The following FCMR variants were observed in gnomAD, a reference collection of about 807,000 sequenced individuals.
The protein encoded by FCMR is immunoglobulin mu Fc receptor.
FCMR carries 34 observed loss-of-function variants against 41.6 expected under a neutral mutation model. That is an observed-to-expected ratio of 0.82 (90% CI 0.62 to 1.09). The LOEUF (loss-of-function observed/expected upper bound fraction) is 1.09, where lower values mean the gene tolerates loss of function less well. Among genes scored for constraint, FCMR ranks in the 50% least tolerant of loss-of-function variants. FCMR has a pLI of 0.00. For missense variants in FCMR, 496 were observed against 512.5 expected, an observed-to-expected ratio of 0.97 and a Z score of 0.31; for synonymous variants, 209 against 211.8, an observed-to-expected ratio of 0.99 and a Z score of 0.12.
chr1:206,921,349 C>A, intron 1 of FCMR: 1 of 435,968 alleles, frequency 2.3e-6, no homozygotes, highest in Non-Finnish European at 4.6e-6. Context: ...ACCTGTAATC[C>A]CAGCGCTTTG....
At chr1:206,910,012 G>A (rs963656465) in intron 5 of FCMR, 144 bp from the exon 6 acceptor site, 10 of 1,151,932 alleles carry the variant, frequency 8.7e-6, no homozygotes, top group Non-Finnish European at 1.0e-5. Context: ...TACGAGGCAC[G>A]GCCTTGCCCT....
In FCMR at chr1:206,909,710, C is replaced by A. The variant is rs1470624732; in HGVS notation, c.985+15G>T. On this transcript the variant is annotated intron_variant, in intron 6 of 7. Coordinates refer to ENST00000367091, the MANE Select transcript of FCMR (RefSeq NM_005449.5). The surrounding 1 kb of genome is among the most constrained non-coding windows in gnomAD (Gnocchi z 5.0). ...ACTCTTTCCGCTACTCCCCGTGGCC[C>A]GCCCGGCGGCTCACCTGCAGCGTCC... 5.6e-6 allele frequency: 8 copies of A among 1,417,270 alleles called. No individual in the cohort carries two copies. In the South Asian group the frequency reaches 1.2e-4, roughly 21 times the overall value. The allele number at this position is 1,417,270 out of a possible 1,614,324, so 87.8% of individuals were successfully genotyped here. A position where few individuals can be genotyped will look rare whatever the true frequency, so the allele number is the denominator to read the frequency against.
Position 206,909,797 on chromosome 1 carries a change from AC to A in FCMR, c.912del (p.Ser305ArgfsTer56). 6.9e-7 allele frequency: 1 copy of A among 1,440,730 alleles called. No homozygotes were observed. The highest frequency in any genetic ancestry group is 3.0e-5 in the Admixed American group (1 of 32,942). The allele number at this position is 1,440,730 out of a possible 1,614,324, so 89.2% of individuals were successfully genotyped here. A position where few individuals can be genotyped will look rare whatever the true frequency, so the allele number is the denominator to read the frequency against. ...RALESSQRPR[G>X]SPRPRSQNNI... ...TTGTTTTGGGAGCGCGGTCGCGGCG[AC>A]CCGCGGGGCCTCTGGGAGCTCTCCA... On this transcript the variant is annotated frameshift_variant, in exon 6 of 8. Transcript: ENST00000367091. LOFTEE classifies it high-confidence loss of function. This position sits in a 1 kb window ranked among gnomAD's most constrained non-coding sequence, Gnocchi z 5.0.
chr1:206,908,887 C>G (rs1234205402), intron 7 of FCMR, among the ~76,000 whole-genome samples: 1 of 152,170 alleles, frequency 6.6e-6, no homozygotes, highest in Non-Finnish European at 1.5e-5. Context: ...ATCAGTGGCC[C>G]TGAGTGGAAA....
Position 206,904,910 on chromosome 1 carries a change from G to T in FCMR, c.*109C>A. ...TGGGAGTCGAGATGGGGCATGGGAA[G>T]TGATGAGGGCTCTGAGAACACATGA... is the stretch of plus-strand genomic sequence containing the variant. On this transcript the variant is annotated 3_prime_UTR_variant, in exon 8 of 8. Coordinates refer to ENST00000367091, the MANE Select transcript of FCMR (RefSeq NM_005449.5). 1.7e-6 allele frequency: 2 copies of T among 1,156,646 alleles called. No homozygotes were observed. Among genetic ancestry groups the T allele is most frequent in the African/African-American group, 1.5e-5 (1 of 66,278 alleles). The allele number at this position is 1,156,646 out of a possible 1,614,324, so 71.6% of individuals were successfully genotyped here. A position where few individuals can be genotyped will look rare whatever the true frequency, so the allele number is the denominator to read the frequency against.
intron 1 of FCMR, among the ~76,000 whole-genome samples, chr1:206,920,898 A>G (rs1477775336): frequency 6.6e-6 from 1 of 152,196 alleles, no homozygotes; most frequent in Non-Finnish European, 1.5e-5. Flanking sequence ...CATTGACTGG[A>G]TCAAGGTCTG....
At chr1:206,908,035 C>G (rs1415181636) in intron 7 of FCMR, 1 of 1,261,866 alleles carries the variant, frequency 7.9e-7, no homozygotes. Flanking sequence ...CTATCTGGAG[C>G]GCCTGGCTCA....
rs1678828442 is a variant in FCMR, at chr1:206,909,588, C to T, written c.986-68G>A. The T allele has an allele frequency of 7.8e-7, 1 of 1,278,774 alleles. No homozygotes were observed. Among genetic ancestry groups the T allele is most frequent in the Admixed American group, 4.1e-5 (1 of 24,190 alleles). 79.2% of individuals were successfully genotyped at this position (1,278,774 alleles called of 1,614,324 possible). ...CCGCCCCACCGTCATGCTACTACTC[C>T]CAGCTCCACCCCCGCCCCACTCCCA... On this transcript the variant is annotated intron_variant, in intron 6 of 7. Transcript: ENST00000367091. This position sits in a 1 kb window ranked among gnomAD's most constrained non-coding sequence, Gnocchi z 5.0.
chr1:206,912,005 A>G (rs1678965675), intron 3 of FCMR, 53 bp from the exon 4 acceptor site: 1 of 1,400,096 alleles, frequency 7.1e-7, no homozygotes, highest in African/African-American at 1.4e-5. Flanking sequence ...TCTATTCTCC[A>G]ACAGGATTAG....
intron 7 of FCMR, chr1:206,905,961 AAAG>A (rs1678621338): frequency 5.6e-6 from 1 of 180,002 alleles, no homozygotes; most frequent in African/African-American, 2.4e-5. Flanking sequence ...ACAAAACAGA[AAAG>A]AAAAAAAGAG....
At chr1:206,914,170 A>G in intron 1 of FCMR, 76 bp from the exon 2 acceptor site, 1 of 1,186,516 alleles carries the variant, frequency 8.4e-7, no homozygotes, top group Non-Finnish European at 1.2e-6. Flanking sequence ...TCCCAGCTCC[A>G]GCCGTCTCTC....
rs1393194498 is a variant in FCMR at position 206,914,006 on chromosome 1, C to A, written c.126G>T (p.Met42Ile). ...CCCGGCACAGATATATCCTCACATG[C>A]ATTTCAGGAAGTGGGCACTTGATGG... is the stretch of plus-strand genomic sequence containing the variant. ...SVTIKCPLPEMHVRIYLCREM... is the reference protein window; with the variant it reads ...SVTIKCPLPEIHVRIYLCREM... Residue 42 changes from methionine to isoleucine, a missense_variant, in exon 2 of 8, where the codon ATG becomes ATT. Met to Ile is a conservative substitution (Grantham distance 10). Coordinates refer to ENST00000367091, the MANE Select transcript of FCMR (RefSeq NM_005449.5). 4 of 1,614,106 alleles carry A rather than the reference C, an allele frequency of 2.5e-6. No individual in the cohort carries two copies. The highest frequency in any genetic ancestry group is 1.7e-6 in the Non-Finnish European group (2 of 1,180,036).
chr1:206,922,879 A>G (rs979838690), upstream of FCMR, among the ~76,000 whole-genome samples: 1 of 152,164 alleles, frequency 6.6e-6, no homozygotes, highest in Non-Finnish European at 1.5e-5. Flanking sequence ...GCTTTGGGCA[A>G]ATTTCCCTGG....
intron 7 of FCMR, among the ~76,000 whole-genome samples, chr1:206,907,103 T>TGG (rs75679471): frequency 2.1e-4 from 9 of 43,390 alleles, no homozygotes; most frequent in Middle Eastern, 0.011. Flanking sequence ...GGTGGGGGGG[T>TGG]GGGGGGGGGG....
chr1:206,909,392 G>C lies in FCMR; in HGVS notation c.1044+70C>G. On this transcript the variant is annotated intron_variant, in intron 7 of 7. Transcript: ENST00000367091. This position sits in a 1 kb window ranked among gnomAD's most constrained non-coding sequence, Gnocchi z 5.0. ...GGCGGCGGCGCGGGAAGCCACACTC[G>C]GGTCCCCGCCCAGGGCTGGGGCCGC... The C allele has an allele frequency of 1.0e-6, 1 of 983,512 alleles. No homozygotes were observed. Among genetic ancestry groups the C allele is most frequent in the East Asian group, 3.3e-5 (1 of 30,510 alleles). 60.9% of individuals were successfully genotyped at this position (983,512 alleles called of 1,614,324 possible).
At chr1:206,910,797 C>T (rs1678906096) in intron 4 of FCMR, among the ~76,000 whole-genome samples, 1 of 152,068 alleles carries the variant, frequency 6.6e-6, no homozygotes, top group African/African-American at 2.4e-5. Flanking sequence ...AGAAGTTTTC[C>T]CCTCAATTTT....
At chr1:206,911,996 C>G in intron 3 of FCMR, 44 bp from the exon 4 acceptor site, 1 of 1,455,824 alleles carries the variant, frequency 6.9e-7, no homozygotes, top group Non-Finnish European at 9.5e-7. Flanking sequence ...TTTATACACT[C>G]TATTCTCCAA....
At chr1:206,906,260 T>A in intron 7 of FCMR, 1 of 381,644 alleles carries the variant, frequency 2.6e-6, no homozygotes. Context: ...TGAGAGATGA[T>A]CAAGATAAAA....
In FCMR at chr1:206,916,175, A is replaced by T. The variant is rs1056480351; in HGVS notation, c.38-2081T>A. On this transcript the variant is annotated intron_variant, in intron 1 of 7. Coordinates refer to ENST00000367091, the MANE Select transcript of FCMR (RefSeq NM_005449.5). ...TAAACCCACTGGAAATTGAGTCATGAGGTAGCCTCACAACTAGACATTGCA... is the reference window on the plus strand; with the variant it reads ...TAAACCCACTGGAAATTGAGTCATGTGGTAGCCTCACAACTAGACATTGCA... Among the ~76,000 whole-genome samples, 17 of 152,346 alleles carry T rather than the reference A, an allele frequency of 1.1e-4. No homozygotes were observed. The East Asian group carries it at 2.9e-3, about 26-fold the overall frequency.
Sources: gnomAD v4.1 joint callset for allele counts (sites outside exome capture counted in the v4.1 genomes callset) on GRCh38, gnomAD v4.1.1 for gene constraint, Gnocchi (gnomAD v3.1) non-coding constraint, MANE v1.5 for transcripts, NCBI Gene and HGNC (gene_info 2026-07-23, HGNC 2026-07-21) for gene names.